CD99L2: variants seen among roughly 807,000 people sequenced by gnomAD.
CD99L2 encodes CD99 antigen-like protein 2.
A neutral mutation model predicts 27.3 loss-of-function variants in CD99L2; 24 were observed. The observed-to-expected ratio is 0.88, with a 90% CI of 0.64 to 1.24. The LOEUF (loss-of-function observed/expected upper bound fraction) is 1.24. Among genes scored for constraint, CD99L2 ranks in the 50% most tolerant of loss-of-function variants. The pLI is 0.00. For missense variants in CD99L2, 255 were observed against 221.6 expected (o/e 1.15, Z -0.96); for synonymous variants, 97 against 87.9 (o/e 1.10, Z -0.58).
chrX:150,796,448 C>T (rs911967178), intron 4 of CD99L2, among the ~76,000 whole-genome samples: 3 of 112,341 alleles, frequency 2.7e-5, no homozygotes, highest in Non-Finnish European at 5.6e-5. Flanking sequence ...ACCAGGAAGA[C>T]GTAACAATCC....
chrX:150,851,869 A>T (rs2046797833), intron 1 of CD99L2, among the ~76,000 whole-genome samples: 1 of 111,987 alleles, frequency 8.9e-6, no homozygotes, highest in African/African-American at 3.2e-5. Flanking sequence ...TGGATAATCC[A>T]GGACAATTTC....
At chrX:150,810,599 AG>A (rs1307503848) in intron 4 of CD99L2, among the ~76,000 whole-genome samples, 1 of 111,577 alleles carries the variant, frequency 9.0e-6, no homozygotes. Context: ...TGAGAATAGA[AG>A]AAAAATATAT....
At chrX:150,795,510 A>C in intron 4 of CD99L2, 24 bp from the exon 5 acceptor site, 1 of 1,198,072 alleles carries the variant, frequency 8.3e-7, no homozygotes, top group African/African-American at 1.7e-5. Flanking sequence ...GGAGGACAGC[A>C]AAGGGAGCAC....
chrX:150,868,426 G>C (rs1014479915), intron 1 of CD99L2, among the ~76,000 whole-genome samples: 1 of 111,884 alleles, frequency 8.9e-6, no homozygotes, highest in South Asian at 3.7e-4. Context: ...TACTCGGGAG[G>C]TTGAAGCAGA....
intron 1 of CD99L2, among the ~76,000 whole-genome samples, chrX:150,872,542 T>TAAA (rs782797816): frequency 0.071 from 5,915 of 83,802 alleles, 257 homozygotes; most frequent in Middle Eastern, 0.11. Flanking sequence ...CTCAATATGT[T>TAAA]AAAAAAAAAA....
rs1435427465 is a variant in CD99L2 at position 150,768,990 on chromosome X, C to T, written c.*44G>A. The T allele has an allele frequency of 9.0e-7, 1 of 1,117,311 alleles. No homozygotes were observed. Among genetic ancestry groups the T allele is most frequent in the African/African-American group, 1.9e-5 (1 of 51,901 alleles). The allele number at this position is 1,117,311 out of a possible 1,213,427, so 92.1% of individuals were successfully genotyped here. On this transcript the variant is annotated 3_prime_UTR_variant, in exon 11 of 11. Coordinates refer to ENST00000370377, the MANE Select transcript of CD99L2 (RefSeq NM_031462.4). Reference sequence around the variant, plus strand: ...TGAAGGGGTGGGGGGAGCCGGGTGACAAGCGGTGGCACCATTGTGCATGCC... The same window carrying T: ...TGAAGGGGTGGGGGGAGCCGGGTGATAAGCGGTGGCACCATTGTGCATGCC...
At chrX:150,864,486 C>T (rs2047029840) in intron 1 of CD99L2, among the ~76,000 whole-genome samples, 1 of 112,336 alleles carries the variant, frequency 8.9e-6, no homozygotes, top group Admixed American at 9.4e-5. Flanking sequence ...TATGAACCAG[C>T]AGTCATCCTA....
chrX:150,873,739 G>A (rs1193212866), intron 1 of CD99L2, among the ~76,000 whole-genome samples: 1 of 111,315 alleles, frequency 9.0e-6, no homozygotes, highest in African/African-American at 3.3e-5. Context: ...AGAGGAATGA[G>A]AAGGAGCCAA....
intron 9 of CD99L2, among the ~76,000 whole-genome samples, chrX:150,775,638 T>A (rs1479322089): frequency 2.7e-5 from 3 of 112,548 alleles, no homozygotes; most frequent in African/African-American, 9.7e-5. Flanking sequence ...TCCATACAGT[T>A]TGTGGCTCGT....
intron 1 of CD99L2, among the ~76,000 whole-genome samples, chrX:150,841,095 G>T (rs1047413578): frequency 1.8e-5 from 2 of 112,136 alleles, no homozygotes; most frequent in Non-Finnish European, 3.8e-5. Context: ...AAGAAGTATG[G>T]ACAAGGATGC....
At chrX:150,791,220 G>A (rs1300560961) in intron 7 of CD99L2, among the ~76,000 whole-genome samples, 1 of 112,126 alleles carries the variant, frequency 8.9e-6, no homozygotes, top group Non-Finnish European at 1.9e-5. Context: ...CCTGAAGTAA[G>A]ACACATGGGT....
rs1164727323 is a variant in CD99L2, at chrX:150,766,742, G to T, written c.*2292C>A. The T allele has an allele frequency of 8.9e-6, 1 of 112,124 alleles. No individual in the cohort carries two copies. Among genetic ancestry groups the T allele is most frequent in the African/African-American group, 3.2e-5 (1 of 30,785 alleles). 9.2% of individuals were successfully genotyped at this position (112,124 alleles called of 1,213,427 possible). A position where few individuals can be genotyped will look rare whatever the true frequency, so the allele number is the denominator to read the frequency against. ...GATAGACACATGGTGACCAGAGCCC[G>T]CCAGGCTTCTGCAGGTGGCAGTGTC... On this transcript the variant is annotated 3_prime_UTR_variant, in exon 11 of 11. Coordinates refer to ENST00000370377, the MANE Select transcript of CD99L2 (RefSeq NM_031462.4).
chrX:150,820,406 C>T (rs7887176), intron 2 of CD99L2, among the ~76,000 whole-genome samples: 9,886 of 111,390 alleles, frequency 0.089, 455 homozygotes, highest in Non-Finnish European at 0.14. Flanking sequence ...TCAGAGTCTA[C>T]TCTCTATGTG....
intron 10 of CD99L2, among the ~76,000 whole-genome samples, chrX:150,769,758 AT>A (rs2043400616): frequency 1.9e-5 from 2 of 107,525 alleles, no homozygotes; most frequent in Non-Finnish European, 3.8e-5. Context: ...GGCACAGGTC[AT>A]ATCTGCCTCG....
intron 4 of CD99L2, among the ~76,000 whole-genome samples, chrX:150,802,880 CTTTTTTTTTTTTTTTTT>C (rs34693200): frequency 9.6e-5 from 2 of 20,824 alleles, no homozygotes; most frequent in South Asian, 4.3e-3. Flanking sequence ...CGTGCCCAGC[CTTTTTTTTTTTTTTTTT>C]TTTTTTTTTT....
intron 1 of CD99L2, among the ~76,000 whole-genome samples, chrX:150,856,833 C>A (rs1329640496): frequency 9.1e-6 from 1 of 110,206 alleles, no homozygotes; most frequent in African/African-American, 3.3e-5. Flanking sequence ...CAGTGAGATA[C>A]AAAAGAATTC....
chrX:150,777,767 C>G (rs1324986720), intron 7 of CD99L2, among the ~76,000 whole-genome samples: 1 of 111,872 alleles, frequency 8.9e-6, no homozygotes, highest in Non-Finnish European at 1.9e-5. Context: ...ACACAGTATT[C>G]TATTTCACCT....
At chrX:150,785,072 G>A (rs782159211) in intron 7 of CD99L2, among the ~76,000 whole-genome samples, 100 of 110,753 alleles carry the variant, frequency 9.0e-4, no homozygotes, top group African/African-American at 3.0e-3. Context: ...AGTTTAGACC[G>A]AGGAATGTCA....
intron 1 of CD99L2, among the ~76,000 whole-genome samples, chrX:150,889,573 G>GT (rs782098449): frequency 8.9e-6 from 1 of 112,093 alleles, no homozygotes; most frequent in Non-Finnish European, 1.9e-5. Context: ...CCTGTGGAGA[G>GT]TATCACCTCT....
Sources: gnomAD v4.1 joint callset for allele counts (sites outside exome capture counted in the v4.1 genomes callset) on GRCh38, gnomAD v4.1.1 for gene constraint, MANE v1.5 for transcripts, NCBI Gene and HGNC (gene_info 2026-07-23, HGNC 2026-07-21) for gene names.